SMAD1: variants seen among roughly 807,000 people sequenced by gnomAD.
SMAD1 encodes SMAD family member 1, also known as MAD, mothers against decapentaplegic homolog 1.
In SMAD1, 6 loss-of-function variants were observed where a neutral mutation model predicts 41.6. The ratio of observed to expected loss-of-function variants is 0.14; its 90% confidence interval spans 0.08 to 0.28. The LOEUF is 0.28. Ranked by LOEUF, SMAD1 falls within the 10% of genes least tolerant of loss-of-function variation. The pLI, the probability that SMAD1 is intolerant of heterozygous loss-of-function variation, is 1.00. For synonymous variants in SMAD1, 206 were observed against 203.2 expected (o/e 1.01, Z -0.12); for missense variants, 379 against 582.6 (o/e 0.65, Z 3.60).
At chr4:145,545,705 G>A (rs1270803147) in intron 4 of SMAD1, 1 of 152,092 alleles carries the variant, frequency 6.6e-6, no homozygotes, top group Non-Finnish European at 1.5e-5. Flanking sequence ...TTCTGATGTG[G>A]ACTTTCTTTC....
intron 1 of SMAD1, among the ~76,000 whole-genome samples, chr4:145,506,677 A>C (rs1729806735): frequency 6.6e-6 from 1 of 151,838 alleles, no homozygotes. Flanking sequence ...TTCATATACA[A>C]ATTAGGGTAA....
intron 6 of SMAD1, among the ~76,000 whole-genome samples, chr4:145,555,141 G>T (rs1007199522): frequency 1.3e-4 from 20 of 152,126 alleles, no homozygotes; most frequent in African/African-American, 4.8e-4. Context: ...ATTTGTAGTT[G>T]AGTCTGGTAC....
In SMAD1 at chr4:145,542,682, A is replaced by G. The variant is rs1560758889; in HGVS notation, c.759A>G (p.Ser253=). 6.2e-7 allele frequency: 1 copy of G among 1,609,882 alleles called. No individual in the cohort carries two copies. The highest frequency in any genetic ancestry group is 2.2e-5 in the East Asian group (1 of 44,736). ...DTNMMAPPLP[S]EINRGDVQAV... ...ACATGATGGCGCCTCCCCTGCCCTC[A>G]GAAATCAACAGAGGAGGTAAAACTA... Residue 253 remains serine (S), a synonymous_variant, in exon 4 of 7, where the codon TCA becomes TCG. Transcript: ENST00000302085.
intron 4 of SMAD1, 82 bp from the exon 5 acceptor site, chr4:145,546,621 T>G: frequency 1.0e-6 from 1 of 957,898 alleles, no homozygotes; most frequent in Non-Finnish European, 1.7e-6. Flanking sequence ...TCCATGATCC[T>G]GAGCCAATTC....
intron 1 of SMAD1, among the ~76,000 whole-genome samples, chr4:145,498,587 C>T (rs1188358038): frequency 6.6e-6 from 1 of 152,174 alleles, no homozygotes; most frequent in African/African-American, 2.4e-5. Flanking sequence ...CCCTTGTACC[C>T]AGCTCACTCC....
intron 1 of SMAD1, among the ~76,000 whole-genome samples, chr4:145,488,774 CTT>C (rs1350289436): frequency 2.0e-5 from 3 of 152,088 alleles, no homozygotes; most frequent in Admixed American, 6.5e-5. Flanking sequence ...TAAGTATATG[CTT>C]CATTTATTCC....
At chr4:145,505,925 A>G (rs1412607052) in intron 1 of SMAD1, among the ~76,000 whole-genome samples, 1 of 151,794 alleles carries the variant, frequency 6.6e-6, no homozygotes, top group Non-Finnish European at 1.5e-5. Flanking sequence ...GCTTACTGCA[A>G]CCTCCACCTC....
intron 1 of SMAD1, among the ~76,000 whole-genome samples, chr4:145,508,106 T>C (rs2126374099): frequency 6.6e-6 from 1 of 151,020 alleles, no homozygotes; most frequent in South Asian, 2.1e-4. Flanking sequence ...TTGCTCCCAG[T>C]ATGAAGAAAT....
At chr4:145,509,253 C>T (rs1041554179) in intron 1 of SMAD1, among the ~76,000 whole-genome samples, 5 of 152,214 alleles carry the variant, frequency 3.3e-5, no homozygotes, top group African/African-American at 1.2e-4. Flanking sequence ...GTTGTTTACA[C>T]ACTGGCTTTC....
rs141238995 is a variant in SMAD1 at position 145,504,528 on chromosome 4, G to A, written c.-176-9910G>A. On this transcript the variant is annotated intron_variant, in intron 1 of 6. Transcript: ENST00000302085. ...CAATTCCTACTGTCTGCTACTTATC[G>A]TTGTGTTCTACTTGTTCTAGAGTTC... Among the ~76,000 whole-genome samples, 438 of 152,106 alleles carry A rather than the reference G, an allele frequency of 2.9e-3. 1 individual carries two copies. The highest frequency in any genetic ancestry group is 0.01 in the African/African-American group (416 of 41,484).
intron 1 of SMAD1, among the ~76,000 whole-genome samples, chr4:145,508,428 T>C (rs1051992630): frequency 6.6e-6 from 1 of 152,158 alleles, no homozygotes; most frequent in Non-Finnish European, 1.5e-5. Flanking sequence ...TCAACTATTC[T>C]ATATTTTATT....
At chr4:145,505,459 A>G (rs1192188638) in intron 1 of SMAD1, among the ~76,000 whole-genome samples, 1 of 152,124 alleles carries the variant, frequency 6.6e-6, no homozygotes, top group East Asian at 1.9e-4. Context: ...ACTGGAAAAT[A>G]ATATAAAAAA....
At chr4:145,499,963 C>T (rs1264458240) in intron 1 of SMAD1, among the ~76,000 whole-genome samples, 2 of 152,114 alleles carry the variant, frequency 1.3e-5, no homozygotes. Flanking sequence ...TTACAGTTCC[C>T]ATAATACGGG....
chr4:145,488,345 A>G, intron 1 of SMAD1, among the ~76,000 whole-genome samples: 1 of 152,094 alleles, frequency 6.6e-6, no homozygotes, highest in South Asian at 2.1e-4. Flanking sequence ...TTTATACATA[A>G]GTTTTAATGC....
intron 1 of SMAD1, chr4:145,497,415 A>G (rs1276130026): frequency 2.0e-5 from 3 of 152,220 alleles, no homozygotes; most frequent in African/African-American, 7.2e-5. Context: ...ACCATATGAT[A>G]TGGTTCTCCC....
intron 2 of SMAD1, among the ~76,000 whole-genome samples, chr4:145,517,304 CTTAT>C (rs934863561): frequency 6.6e-6 from 1 of 152,156 alleles, no homozygotes; most frequent in Non-Finnish European, 1.5e-5. Flanking sequence ...CTAGCCCACT[CTTAT>C]TTATCGTTTG....
At chr4:145,495,701 G>A (rs112272623) in intron 1 of SMAD1, among the ~76,000 whole-genome samples, 2,503 of 143,368 alleles carry the variant, frequency 0.017, 80 homozygotes, top group African/African-American at 0.06. Flanking sequence ...TTGTAACTTC[G>A]AACTCTTGGG....
rs1249266613 is a variant in SMAD1 at position 145,482,711 on chromosome 4, T to C, written c.-177+673T>C. On this transcript the variant is annotated intron_variant, in intron 1 of 6. Transcript: ENST00000302085. This position sits in a 1 kb window ranked among gnomAD's most constrained non-coding sequence, Gnocchi z 4.2. Reference sequence around the variant, plus strand: ...ATCCCCTCTAATTTATTCAAAGGTTTGGCGGCGGCGCGTAATTTTTTCCCC... The same window carrying C: ...ATCCCCTCTAATTTATTCAAAGGTTCGGCGGCGGCGCGTAATTTTTTCCCC... 6.6e-6 allele frequency: 1 copy of C among 152,138 alleles called. No individual in the cohort carries two copies. Among genetic ancestry groups the C allele is most frequent in the Non-Finnish European group, 1.5e-5 (1 of 68,038 alleles). The allele number at this position is 152,138 out of a possible 1,614,324, so 9.4% of individuals were successfully genotyped here. A position where few individuals can be genotyped will look rare whatever the true frequency, so the allele number is the denominator to read the frequency against.
rs377610507 is a variant in SMAD1 at position 145,515,134 on chromosome 4, CTGTGTGTGTGTGTGTGTGTG to C, written c.400+145_400+164del. 6 of 535,622 alleles carry C rather than the reference CTGTGTGTGTGTGTGTGTGTG, an allele frequency of 1.1e-5. No individual in the cohort carries two copies. In the South Asian group the frequency reaches 1.4e-4, roughly 13 times the overall value. 33.2% of individuals were successfully genotyped at this position (535,622 alleles called of 1,614,324 possible). On this transcript the variant is annotated intron_variant, in intron 2 of 6. Coordinates refer to ENST00000302085, the MANE Select transcript of SMAD1 (RefSeq NM_005900.3). ...TGTAATTTAAAAATATTTGGGGAAA[CTGTGTGTGTGTGTGTGTGTG>C]TGTGTGTGTGTGTGTGTGTGTGTCT... is the stretch of plus-strand genomic sequence containing the variant.
Sources: allele counts gnomAD v4.1 joint callset (sites outside exome capture counted in the v4.1 genomes callset), GRCh38; gene constraint gnomAD v4.1.1; non-coding constraint Gnocchi (gnomAD v3.1); transcripts MANE v1.5; gene names NCBI Gene and HGNC (gene_info 2026-07-23, HGNC 2026-07-21).